MGLL: variants seen among roughly 807,000 people sequenced by gnomAD.
The protein encoded by MGLL is lysophospholipase homolog.
A neutral mutation model predicts 29.1 loss-of-function variants in MGLL; 7 were observed. That is an observed-to-expected ratio of 0.24 (90% CI 0.14 to 0.45). The LOEUF is 0.45. MGLL is among the 20% of genes least tolerant of loss of function. The probability of loss-of-function intolerance (pLI) is 0.99; values close to 1 mark genes in which losing one functional copy is unlikely to be tolerated. For missense variants in MGLL, 356 were observed against 413.6 expected (o/e 0.86, Z 1.21); for synonymous variants, 148 against 168.3 (o/e 0.88, Z 0.93).
At chr3:127,720,135 C>T (rs1370044968) in intron 5 of MGLL, among the ~76,000 whole-genome samples, 1 of 152,164 alleles carries the variant, frequency 6.6e-6, no homozygotes, top group Non-Finnish European at 1.5e-5. Flanking sequence ...TTAAATGATC[C>T]CACAGTTCAT....
Position 127,802,730 on chromosome 3 carries a change from C to A in MGLL, c.155+18964G>T, listed in dbSNP as rs370177358. ...CTTCTAGGCCAGCCGGGGCCCTGGC[C>A]GGTTTTGAAAAGGTTCTTATGCCAA... On this transcript the variant is annotated intron_variant, in intron 2 of 7. Coordinates refer to ENST00000265052, the MANE Select transcript of MGLL (RefSeq NM_007283.7). Among the ~76,000 whole-genome samples the A allele has an allele frequency of 1.6e-3, 240 of 152,272 alleles. 1 individual carries two copies. The highest frequency in any genetic ancestry group is 5.5e-3 in the African/African-American group (227 of 41,548).
intron 3 of MGLL, among the ~76,000 whole-genome samples, chr3:127,732,572 C>G (rs1217601920): frequency 2.0e-5 from 3 of 152,216 alleles, no homozygotes; most frequent in African/African-American, 7.2e-5. Flanking sequence ...TCCCTACACG[C>G]CCAGACCCCA....
rs753768086 is a variant in MGLL at position 127,822,299 on chromosome 3, C to A, written c.10+10G>T. On this transcript the variant is annotated intron_variant, in intron 1 of 7. Coordinates refer to ENST00000265052, the MANE Select transcript of MGLL (RefSeq NM_007283.7). Reference sequence around the variant, plus strand: ...CCTCCCATCTGAAATTCCAAGGATACATGACAAACCTGTTTCCATTATGTG... The same window carrying A: ...CCTCCCATCTGAAATTCCAAGGATAAATGACAAACCTGTTTCCATTATGTG... 6.2e-7 allele frequency: 1 copy of A among 1,612,578 alleles called. No individual in the cohort carries two copies. Among genetic ancestry groups the A allele is most frequent in the East Asian group, 2.2e-5 (1 of 44,884 alleles).
chr3:127,710,443 C>T (rs2075688472), intron 6 of MGLL, 133 bp downstream of exon 6: 2 of 847,474 alleles, frequency 2.4e-6, no homozygotes, highest in Admixed American at 4.1e-5. Context: ...TCTAATGCAC[C>T]ACTGTGTCCT....
intron 3 of MGLL, among the ~76,000 whole-genome samples, chr3:127,724,630 A>T (rs2075996845): frequency 6.6e-6 from 1 of 152,164 alleles, no homozygotes; most frequent in Non-Finnish European, 1.5e-5. Context: ...TTTTTGAGGC[A>T]TGACCCCGCA....
intron 5 of MGLL, chr3:127,716,075 C>G (rs1314300938): frequency 3.0e-6 from 1 of 335,938 alleles, no homozygotes; most frequent in African/African-American, 2.2e-5. Context: ...CCAATTATGC[C>G]AGCTCAACCC....
chr3:127,764,530 G>A (rs2076822952), intron 3 of MGLL, among the ~76,000 whole-genome samples: 1 of 152,184 alleles, frequency 6.6e-6, no homozygotes, highest in Admixed American at 6.5e-5. Context: ...TGTTTGGGAA[G>A]CTCACGTGCT....
chr3:127,760,345 C>T (rs1241921807), intron 3 of MGLL, among the ~76,000 whole-genome samples: 1 of 152,232 alleles, frequency 6.6e-6, no homozygotes, highest in Non-Finnish European at 1.5e-5. Flanking sequence ...ACTCTCTGGG[C>T]TAAGCTCCAC....
chr3:127,756,449 C>G (rs72973718), intron 3 of MGLL, among the ~76,000 whole-genome samples: 1 of 152,194 alleles, frequency 6.6e-6, no homozygotes, highest in Admixed American at 6.5e-5. Context: ...CCCTACACCC[C>G]AGAGCCCACA....
intron 3 of MGLL, among the ~76,000 whole-genome samples, chr3:127,756,635 C>T (rs2076669848): frequency 6.6e-6 from 1 of 152,210 alleles, no homozygotes; most frequent in African/African-American, 2.4e-5. Context: ...CCTCACCATA[C>T]CTGAATCACA....
rs1293922209 is a variant in MGLL, at chr3:127,722,501, C to T, written c.328G>A (p.Val110Met). ...TGCATGGAATCCACATGCTGCAACACATCCCTGACGAAAACGTGGAAGTCA... is the reference window on the plus strand; with the variant it reads ...TGCATGGAATCCACATGCTGCAACATATCCCTGACGAAAACGTGGAAGTCA... ...VSDFHVFVRD[V>M]LQHVDSMQKD... Residue 110 changes from valine (V) to methionine (M), a missense_variant, in exon 4 of 8, where the codon GTG (valine) becomes ATG (methionine). By Grantham distance (21) the Val-to-Met change is conservative (BLOSUM62 1). Coordinates refer to ENST00000265052, the MANE Select transcript of MGLL (RefSeq NM_007283.7). The T allele has an allele frequency of 3.1e-6, 5 of 1,614,242 alleles. No individual in the cohort carries two copies. Among genetic ancestry groups the T allele is most frequent in the Non-Finnish European group, 2.5e-6 (3 of 1,180,050 alleles).
intron 3 of MGLL, among the ~76,000 whole-genome samples, chr3:127,726,182 AAGAAAAGAAAAGAAAGAAAGAAAGAC>A (rs1165149064): frequency 4.6e-4 from 23 of 49,646 alleles, no homozygotes; most frequent in South Asian, 1.1e-3. Context: ...GAAAGAAAGA[AAGAAAAGAAAAGAAAGAAAGAAAGAC>A]AGAAGGAAGG....
intron 3 of MGLL, among the ~76,000 whole-genome samples, chr3:127,767,187 C>T (rs2076874200): frequency 6.6e-6 from 1 of 152,198 alleles, no homozygotes; most frequent in Admixed American, 6.5e-5. Flanking sequence ...ATCACTATCA[C>T]CATCACCATC....
chr3:127,750,009 C>T (rs1180069652), intron 3 of MGLL, among the ~76,000 whole-genome samples: 1 of 152,006 alleles, frequency 6.6e-6, no homozygotes, highest in East Asian at 1.9e-4. Flanking sequence ...AGAGATGGGG[C>T]CAGGTCACGG....
At chr3:127,822,947 GCACACACACCGTGCA>G (rs1295775889), upstream of MGLL, 1 of 154,874 alleles carries the variant, frequency 6.5e-6, no homozygotes, top group Non-Finnish European at 1.4e-5. Flanking sequence ...GGACACGCGC[GCACACACACCGTGCA>G]CACACACACA....
At chr3:127,749,336 G>A (rs187491007) in intron 3 of MGLL, among the ~76,000 whole-genome samples, 36 of 152,312 alleles carry the variant, frequency 2.4e-4, no homozygotes, top group Admixed American at 1.8e-3. Flanking sequence ...CTTGGGAAGT[G>A]CAGCATCTAG....
At chr3:127,735,521 TATA>T in intron 3 of MGLL, among the ~76,000 whole-genome samples, 1 of 152,340 alleles carries the variant, frequency 6.6e-6, no homozygotes, top group East Asian at 1.9e-4. Flanking sequence ...GACTCCATTT[TATA>T]ATGTTAAGAA....
At chr3:127,733,183 C>CTCTG (rs1331133129) in intron 3 of MGLL, among the ~76,000 whole-genome samples, 1 of 152,204 alleles carries the variant, frequency 6.6e-6, no homozygotes, top group African/African-American at 2.4e-5. Context: ...CAACGGTGAC[C>CTCTG]TCTGGTTGTC....
chr3:127,818,706 C>T (rs1006164644), intron 2 of MGLL, among the ~76,000 whole-genome samples: 4 of 152,060 alleles, frequency 2.6e-5, no homozygotes, highest in East Asian at 3.9e-4. Context: ...CAGAAGATTG[C>T]GGACCAAATC....
Sources: allele counts gnomAD v4.1 joint callset (sites outside exome capture counted in the v4.1 genomes callset), GRCh38; gene constraint gnomAD v4.1.1; transcripts MANE v1.5; gene names NCBI Gene and HGNC (gene_info 2026-07-23, HGNC 2026-07-21).